Variants in DGKG observed in about 807,000 individuals in gnomAD.
DGKG encodes DAG kinase gamma.
DGKG carries 78 observed loss-of-function variants against 105.3 expected under a neutral mutation model. That is an observed-to-expected ratio of 0.74 (90% CI 0.62 to 0.89). DGKG has a LOEUF of 0.89. Among genes scored for constraint, DGKG ranks in the 40% least tolerant of loss-of-function variants. The probability of loss-of-function intolerance (pLI) is 0.00; values close to 1 mark genes in which losing one functional copy is unlikely to be tolerated. For missense variants in DGKG, 958 were observed against 1,020.1 expected, an observed-to-expected ratio of 0.94 and a Z score of 0.83; for synonymous variants, 346 against 367.1, an observed-to-expected ratio of 0.94 and a Z score of 0.66.
chr3:186,150,769 A>G (rs1037178890), intron 24 of DGKG, among the ~76,000 whole-genome samples: 28 of 152,210 alleles, frequency 1.8e-4, no homozygotes, highest in African/African-American at 6.8e-4. Flanking sequence ...ATTCTTTTTA[A>G]AACTTTTTTT....
In DGKG at chr3:186,354,276, G is replaced by A. The variant is rs536494412; in HGVS notation, c.-249+7670C>T. Among the ~76,000 whole-genome samples the A allele has an allele frequency of 2.6e-5, 4 of 152,314 alleles. No individual in the cohort carries two copies. The South Asian group carries it at 6.2e-4, about 24-fold the overall frequency. On this transcript the variant is annotated intron_variant, in intron 1 of 24. Transcript: ENST00000265022. ...ACTGTTCCCAGAGCAGAGGGGTGGA[G>A]AAATGCAGCAGGAAATGGAAACATT...
chr3:186,224,218 G>A (rs1228002232), intron 20 of DGKG, among the ~76,000 whole-genome samples: 1 of 152,156 alleles, frequency 6.6e-6, no homozygotes, highest in African/African-American at 2.4e-5. Context: ...CCAATTCCTT[G>A]CCAGGGTCCT....
intron 1 of DGKG, among the ~76,000 whole-genome samples, chr3:186,357,350 G>C (rs1727017138): frequency 6.6e-6 from 1 of 152,084 alleles, no homozygotes; most frequent in East Asian, 1.9e-4. Context: ...AAGCCAAGAT[G>C]GTGGCAATCC....
intron 1 of DGKG, among the ~76,000 whole-genome samples, chr3:186,324,478 A>G (rs1725238248): frequency 6.6e-6 from 1 of 151,964 alleles, no homozygotes; most frequent in Admixed American, 6.6e-5. Context: ...ATCCAGTTGC[A>G]AATACAACAT....
intron 2 of DGKG, among the ~76,000 whole-genome samples, chr3:186,319,043 C>T (rs1428376263): frequency 6.6e-6 from 1 of 152,194 alleles, no homozygotes; most frequent in Non-Finnish European, 1.5e-5. Context: ...CTTCTTCATC[C>T]CTGACAGGGC....
At chr3:186,352,640 G>C (rs1307312634) in intron 1 of DGKG, among the ~76,000 whole-genome samples, 2 of 152,246 alleles carry the variant, frequency 1.3e-5, no homozygotes, top group South Asian at 2.1e-4. Flanking sequence ...GTAGGAGCCT[G>C]GTGGCCACCT....
intron 22 of DGKG, among the ~76,000 whole-genome samples, chr3:186,167,858 G>T (rs1716625931): frequency 6.6e-6 from 1 of 152,196 alleles, no homozygotes; most frequent in Non-Finnish European, 1.5e-5. Context: ...TAAGAGTTGG[G>T]ATGCAAAATG....
At chr3:186,265,699 TA>T (rs1340548413) in intron 13 of DGKG, among the ~76,000 whole-genome samples, 4 of 137,344 alleles carry the variant, frequency 2.9e-5, no homozygotes, top group Non-Finnish European at 6.2e-5. Context: ...AGTCTCGCTC[TA>T]TTGCCAGGCT....
At chr3:186,185,112 A>G (rs957394733) in intron 22 of DGKG, among the ~76,000 whole-genome samples, 4 of 152,228 alleles carry the variant, frequency 2.6e-5, no homozygotes, top group African/African-American at 9.6e-5. Flanking sequence ...CGACAGGCAG[A>G]GTCTGGACTG....
chr3:186,274,885 TC>T (rs1722505063), intron 10 of DGKG, among the ~76,000 whole-genome samples: 1 of 152,172 alleles, frequency 6.6e-6, no homozygotes, highest in African/African-American at 2.4e-5. Flanking sequence ...TGATTTATAA[TC>T]CTTTGGGTAT....
Position 186,320,711 on chromosome 3 carries a change from G to T in DGKG, c.-248-4C>A. 1 of 429,448 alleles carries T rather than the reference G, an allele frequency of 2.3e-6. No individual in the cohort carries two copies. The allele number at this position is 429,448 out of a possible 1,614,324, so 26.6% of individuals were successfully genotyped here. ...AATTCAGAAGTCCTGGCTCTTCCTAGATAGAAGCAGAAAAGACATTGTAAA... is the reference window on the plus strand; with the variant it reads ...AATTCAGAAGTCCTGGCTCTTCCTATATAGAAGCAGAAAAGACATTGTAAA... On this transcript the variant is annotated splice_polypyrimidine_tract_variant and splice_region_variant and intron_variant, in intron 1 of 24. Coordinates refer to ENST00000265022, the MANE Select transcript of DGKG (RefSeq NM_001346.3).
chr3:186,327,709 C>G (rs1464301698), intron 1 of DGKG, among the ~76,000 whole-genome samples: 1 of 152,012 alleles, frequency 6.6e-6, no homozygotes, highest in East Asian at 1.9e-4. Context: ...CTGTGCCTGG[C>G]TTCCCTTTCT....
chr3:186,343,278 T>C (rs140327242), intron 1 of DGKG, among the ~76,000 whole-genome samples: 12 of 152,300 alleles, frequency 7.9e-5, no homozygotes, highest in African/African-American at 2.6e-4. Context: ...CAAGCAAATC[T>C]AATCTTCTTT....
At chr3:186,208,571 G>A (rs1350419588) in intron 21 of DGKG, among the ~76,000 whole-genome samples, 2 of 152,142 alleles carry the variant, frequency 1.3e-5, no homozygotes, top group Non-Finnish European at 2.9e-5. Context: ...ATTAATATTG[G>A]CCCTGCCTGT....
At chr3:186,229,186 C>G (rs1196422519) in intron 20 of DGKG, among the ~76,000 whole-genome samples, 1 of 151,682 alleles carries the variant, frequency 6.6e-6, no homozygotes, top group Non-Finnish European at 1.5e-5. Context: ...CACAGAAAAT[C>G]ATTCTCTCTC....
At chr3:186,186,942 A>G (rs776409421) in intron 22 of DGKG, among the ~76,000 whole-genome samples, 1 of 152,244 alleles carries the variant, frequency 6.6e-6, no homozygotes, top group Non-Finnish European at 1.5e-5. Flanking sequence ...TCTAAAGCAT[A>G]CTACCCAGTT....
chr3:186,322,503 A>G (rs113254864), intron 1 of DGKG, among the ~76,000 whole-genome samples: 2,955 of 152,266 alleles, frequency 0.019, 96 homozygotes, highest in African/African-American at 0.067. Flanking sequence ...GTGACAAAAT[A>G]ATCTGTACAG....
rs766082397 is a variant in DGKG, at chr3:186,150,423, C to T, written c.2278-235G>A. On this transcript the variant is annotated intron_variant, in intron 24 of 24. Transcript: ENST00000265022. The stretch of plus-strand genomic sequence containing the variant: ...GGGAGAGACAGGTGTGAGCTTCCCA[C>T]GTGGTGATCAGCTCACACCTGTCTT... Among the ~76,000 whole-genome samples the T allele has an allele frequency of 3.3e-5, 5 of 152,192 alleles. No individual in the cohort carries two copies. In the East Asian group the frequency reaches 9.7e-4, roughly 29 times the overall value.
At chr3:186,242,970 T>C (rs1469253415) in intron 19 of DGKG, among the ~76,000 whole-genome samples, 4 of 152,184 alleles carry the variant, frequency 2.6e-5, no homozygotes, top group Non-Finnish European at 5.9e-5. Context: ...CTTTCCATAC[T>C]AGTTCTTTTT....
Sources: gnomAD v4.1 joint callset for allele counts (sites outside exome capture counted in the v4.1 genomes callset) on GRCh38, gnomAD v4.1.1 for gene constraint, MANE v1.5 for transcripts, NCBI Gene and HGNC (gene_info 2026-07-23, HGNC 2026-07-21) for gene names.